The following RHBDF1 variants were observed in gnomAD, a reference collection of about 807,000 sequenced individuals.
RHBDF1 encodes the protein inactive rhomboid protein 1.
In RHBDF1, 80 loss-of-function variants were observed where a neutral mutation model predicts 98.6. The ratio of observed to expected loss-of-function variants is 0.81; its 90% confidence interval spans 0.68 to 0.98. The LOEUF (loss-of-function observed/expected upper bound fraction) is 0.98, where lower values mean the gene tolerates loss of function less well. RHBDF1 is among the 50% of genes least tolerant of loss of function. The pLI is 0.00. For synonymous variants in RHBDF1, 512 were observed against 486.8 expected, an observed-to-expected ratio of 1.05 and a Z score of -0.68; for missense variants, 1,116 against 1,198.3, an observed-to-expected ratio of 0.93 and a Z score of 1.01.
Position 63,169 on chromosome 16 carries a change from A to AG in RHBDF1, c.475dup (p.Leu159ProfsTer12), listed in dbSNP as rs776849148. 6.3e-7 allele frequency: 1 copy of AG among 1,577,284 alleles called. No homozygotes were observed. Among genetic ancestry groups the AG allele is most frequent in the South Asian group, 1.2e-5 (1 of 86,710 alleles). Reference sequence around the variant, plus strand: ...CACACGGAAGGCACGGCCACGGGCCAGGGGGTCTATGATCTGGAGGAGGGG... The same window carrying AG: ...CACACGGAAGGCACGGCCACGGGCCAGGGGGGTCTATGATCTGGAGGAGGGG... On this transcript the variant is annotated frameshift_variant, in exon 5 of 18. Transcript: ENST00000262316. LOFTEE classifies it high-confidence loss of function.
chr16:65,302 T>C (rs894022748), intron 1 of RHBDF1, among the ~76,000 whole-genome samples: 1 of 152,254 alleles, frequency 6.6e-6, no homozygotes. Context: ...ATGGTCAGGA[T>C]ACTGCTCTAG....
chr16:60,976 G>A, intron 11 of RHBDF1, 144 bp downstream of exon 11: 1 of 842,356 alleles, frequency 1.2e-6, no homozygotes, highest in South Asian at 1.8e-5. Flanking sequence ...GGATGAGGAG[G>A]AATGAATATG....
rs751523796 is a variant in RHBDF1 at position 58,648 on chromosome 16, C to A, written c.2260G>T (p.Val754Leu). The A allele has an allele frequency of 5.6e-6, 9 of 1,613,438 alleles. No homozygotes were observed. Among genetic ancestry groups the A allele is most frequent in the Non-Finnish European group, 6.8e-6 (8 of 1,180,038 alleles). Residue 754 changes from valine to leucine, a missense_variant, in exon 18 of 18, where the codon GTG becomes TTG. Physicochemically the swap from Val to Leu is conservative, Grantham distance 32. Transcript: ENST00000262316. ...CCAAAGGTGAAGAGGAAGAGCACCA[C>A]AGCCAGCAGCTTGAAGAAGGCACGC... ...PWRAFFKLLA[V>L]VLFLFTFGLL...
Position 59,446 on chromosome 16 carries a change from G to A in RHBDF1, c.1866C>T (p.Phe622=), listed in dbSNP as rs2141843710. 1 of 1,613,808 alleles carries A rather than the reference G, an allele frequency of 6.2e-7. No homozygotes were observed. The change falls in exon 15 of 18, where the codon TTC becomes TTT. Residue 622 remains phenylalanine, a synonymous_variant. Transcript: ENST00000262316. ...REYCDFMRGY[F]HEEATLCSQV... is the part of the protein sequence containing the mutation. ...GAGAGCAGAGCGTGGCCTCCTCATGGAAGTAGCCCCTCATGAAGTCACAGT... is the reference window on the plus strand; with the variant it reads ...GAGAGCAGAGCGTGGCCTCCTCATGAAAGTAGCCCCTCATGAAGTCACAGT...
At chr16:66,025 G>A (rs760154505) in intron 1 of RHBDF1, among the ~76,000 whole-genome samples, 14 of 152,200 alleles carry the variant, frequency 9.2e-5, no homozygotes, top group Admixed American at 2.0e-4. Flanking sequence ...ATATGACTAC[G>A]ACTCCATTTC....
intron 13 of RHBDF1, 37 bp downstream of exon 13, chr16:60,179 C>T (rs771563359): frequency 5.6e-6 from 9 of 1,613,598 alleles, no homozygotes; most frequent in Admixed American, 1.7e-5. Flanking sequence ...CCACATGACA[C>T]GGAGGGCTCC....
chr16:61,540 C>A, intron 9 of RHBDF1, 45 bp downstream of exon 9: 1 of 1,610,610 alleles, frequency 6.2e-7, no homozygotes, highest in Non-Finnish European at 8.5e-7. Context: ...GGGTCCAGTG[C>A]CCGGACTCCA....
chr16:60,314 G>A (rs1420250849), intron 12 of RHBDF1, 35 bp from the exon 13 acceptor site: 4 of 1,612,926 alleles, frequency 2.5e-6, no homozygotes, highest in Middle Eastern at 1.6e-4. Flanking sequence ...GACCGGCTTC[G>A]AGCCCCTAGC....
At chr16:64,549 A>T in intron 3 of RHBDF1, 150 bp downstream of exon 3, 1 of 1,546,980 alleles carries the variant, frequency 6.5e-7, no homozygotes, top group East Asian at 2.3e-5. Context: ...TATCCAGAAC[A>T]GGAGGAGGGC....
chr16:73,997 A>G, upstream of RHBDF1: 3 of 963,646 alleles, frequency 3.1e-6, no homozygotes, highest in Non-Finnish European at 3.7e-6. Flanking sequence ...GCCTGCACAT[A>G]ATGGGTGCTC....
At chr16:74,489 C>T (rs778804246), upstream of RHBDF1, among the ~76,000 whole-genome samples, 2 of 152,122 alleles carry the variant, frequency 1.3e-5, no homozygotes, top group Non-Finnish European at 2.9e-5. Context: ...AGAGCTGAAA[C>T]CCCCCGCACC....
intron 14 of RHBDF1, 87 bp from the exon 15 acceptor site, chr16:59,581 AC>A (rs1244488617): frequency 1.3e-6 from 2 of 1,486,098 alleles, no homozygotes; most frequent in Non-Finnish European, 1.8e-6. Context: ...GCACCTACCC[AC>A]CTTTGTTGGC....
rs369552235 is a variant in RHBDF1, at chr16:58,662, A to G, written c.2246T>C (p.Phe749Ser). ...QILARPWRAF[F>S]KLLAVVLFLF... is the part of the protein sequence containing the mutation. ...GAAGAGCACCACAGCCAGCAGCTTG[A>G]AGAAGGCACGCCAGGGCCGCGCCAG... The change falls in exon 18 of 18, where the codon TTC (phenylalanine) becomes TCC (serine). Residue 749 changes from phenylalanine (F) to serine (S), a missense_variant. Transcript: ENST00000262316. The G allele has an allele frequency of 3.7e-6, 6 of 1,613,224 alleles. No individual in the cohort carries two copies. The African/African-American group carries it at 8.0e-5, about 22-fold the overall frequency.
At chr16:61,015 A>T (rs1460182659) in intron 11 of RHBDF1, 105 bp downstream of exon 11, 2 of 1,276,506 alleles carry the variant, frequency 1.6e-6, no homozygotes, top group South Asian at 2.9e-5. Flanking sequence ...GGACGGCGGG[A>T]TGTGCCAGGA....
rs766322644 is a variant in RHBDF1, at chr16:58,714, C to T, written c.2194G>A (p.Val732Met). The T allele has an allele frequency of 6.2e-6, 10 of 1,612,792 alleles. No individual in the cohort carries two copies. Among genetic ancestry groups the T allele is most frequent in the South Asian group, 2.2e-5 (2 of 91,070 alleles). The change falls in exon 18 of 18, where the codon GTG (valine) becomes ATG (methionine). Residue 732 changes from valine (V) to methionine (M), a missense_variant. Coordinates refer to ENST00000262316, the MANE Select transcript of RHBDF1 (RefSeq NM_022450.5). ...SQFGILACLF[V>M]ELFQSWQILA... ...ATCTGCCAGCTCTGGAAGAGCTCCA[C>T]GAAGAGGCAGGCCAGGATGCCGAAC...
chr16:65,219 A>G (rs1897797406), intron 1 of RHBDF1, among the ~76,000 whole-genome samples, 180 bp from the exon 2 acceptor site: 1 of 152,222 alleles, frequency 6.6e-6, no homozygotes. Flanking sequence ...TGTTCATCCC[A>G]GCAGACAGTG....
chr16:69,711 C>T (rs1255806978), intron 1 of RHBDF1, among the ~76,000 whole-genome samples: 1 of 152,190 alleles, frequency 6.6e-6, no homozygotes, highest in African/African-American at 2.4e-5. Context: ...ATTTGCTAGG[C>T]CCTTTGCAAA....
rs374517461 is a variant in RHBDF1 at position 64,688 on chromosome 16, G to A, written c.248+11C>T. On this transcript the variant is annotated intron_variant, in intron 3 of 17. Coordinates refer to ENST00000262316, the MANE Select transcript of RHBDF1 (RefSeq NM_022450.5). ...CTCCCACCCCATGGAGCAGCTGGGC[G>A]GTGTTGGTACCTGCGGATGGTCTGT... is the stretch of plus-strand genomic sequence containing the variant. The A allele has an allele frequency of 2.1e-5, 34 of 1,602,148 alleles. No homozygotes were observed. Among genetic ancestry groups the A allele is most frequent in the South Asian group, 1.2e-4 (11 of 90,014 alleles).
intron 11 of RHBDF1, 115 bp from the exon 12 acceptor site, chr16:60,654 A>T: frequency 1.4e-6 from 1 of 692,648 alleles, no homozygotes; most frequent in Non-Finnish European, 2.5e-6. Context: ...TCTACAAGTC[A>T]CCCCCACTCT....
Sources: allele counts gnomAD v4.1 joint callset (sites outside exome capture counted in the v4.1 genomes callset), GRCh38; gene constraint gnomAD v4.1.1; transcripts MANE v1.5; gene names NCBI Gene and HGNC (gene_info 2026-07-23, HGNC 2026-07-21).